The following DCDC2C variants were observed in gnomAD, a reference collection of about 807,000 sequenced individuals.
DCDC2C encodes doublecortin domain-containing protein 2C.
In DCDC2C, 44 loss-of-function variants were observed where a neutral mutation model predicts 45.0. The ratio of observed to expected loss-of-function variants is 0.98; its 90% CI spans 0.77 to 1.26. The LOEUF is 1.26. DCDC2C is among the 50% of genes most tolerant of loss of function. The pLI, the probability that DCDC2C is intolerant of heterozygous loss-of-function variation, is 0.00. For missense variants in DCDC2C, 447 were observed against 468.9 expected, an observed-to-expected ratio of 0.95 and a Z score of 0.43; for synonymous variants, 187 against 178.8, an observed-to-expected ratio of 1.05 and a Z score of -0.37.
intron 8 of DCDC2C, among the ~76,000 whole-genome samples, chr2:3,772,279 G>A (rs943293692): frequency 3.9e-5 from 6 of 152,190 alleles, no homozygotes; most frequent in African/African-American, 7.2e-5. Flanking sequence ...AGGACACTTC[G>A]ATTTTCCTGT....
At chr2:3,797,205 T>C (rs1336792515) in intron 10 of DCDC2C, among the ~76,000 whole-genome samples, 8 of 152,182 alleles carry the variant, frequency 5.3e-5, no homozygotes, top group African/African-American at 1.4e-4. Context: ...TCTGTAGGAT[T>C]GGTGGTGATA....
chr2:3,730,571 G>A (rs1225251993), intron 3 of DCDC2C, among the ~76,000 whole-genome samples: 3 of 152,066 alleles, frequency 2.0e-5, no homozygotes, highest in Non-Finnish European at 2.9e-5. Flanking sequence ...AGTGAGCAAA[G>A]GCAGCCCCCG....
chr2:3,830,223 T>C (rs10192660), intron 10 of DCDC2C, among the ~76,000 whole-genome samples: 14,092 of 152,310 alleles, frequency 0.093, 1,036 homozygotes, highest in East Asian at 0.44. Flanking sequence ...CTCTGCAGTT[T>C]CCCAAATATT....
In DCDC2C at chr2:3,815,925, C is replaced by T. The variant is rs146943097; in HGVS notation, c.1065+30825C>T. Among the ~76,000 whole-genome samples, 618 of 152,232 alleles carry T rather than the reference C, an allele frequency of 4.1e-3. 10 individuals carry two copies. The highest frequency in any genetic ancestry group is 0.014 in the African/African-American group (590 of 41,524). ...TGATGGCTTAGCTTGGGCTCAGAGA[C>T]CTGACATTCCTGTCTTCTTATATTT... is the stretch of plus-strand genomic sequence containing the variant. On this transcript the variant is annotated intron_variant, in intron 10 of 10. Transcript: ENST00000399143.
At chr2:3,796,193 A>G (rs201558311) in intron 10 of DCDC2C, among the ~76,000 whole-genome samples, 5 of 105,176 alleles carry the variant, frequency 4.8e-5, no homozygotes, top group African/African-American at 1.7e-4. Context: ...GTATAAGAAT[A>G]CTTGTGATTT....
At chr2:3,837,370 A>C (rs1198540995) in intron 10 of DCDC2C, among the ~76,000 whole-genome samples, 2 of 152,218 alleles carry the variant, frequency 1.3e-5, no homozygotes, top group Non-Finnish European at 1.5e-5. Flanking sequence ...TTCCTGTAGA[A>C]AGATGAGCAT....
chr2:3,827,777 T>C (rs2198532), intron 10 of DCDC2C, among the ~76,000 whole-genome samples: 120,416 of 151,950 alleles, frequency 0.79, 49,685 homozygotes, highest in Non-Finnish European at 0.91. Flanking sequence ...AATATAAAGA[T>C]GCTATTTTCA....
chr2:3,732,296 G>A (rs1299985593), intron 3 of DCDC2C, among the ~76,000 whole-genome samples: 1 of 152,024 alleles, frequency 6.6e-6, no homozygotes, highest in African/African-American at 2.4e-5. Flanking sequence ...GGCATCACCC[G>A]CTTTGTTCCA....
At chr2:3,799,422 C>T (rs1025217181) in intron 10 of DCDC2C, among the ~76,000 whole-genome samples, 7 of 152,192 alleles carry the variant, frequency 4.6e-5, no homozygotes, top group Admixed American at 2.6e-4. Context: ...GAACTGCGTT[C>T]CTTTGGAGGA....
chr2:3,842,673 T>C (rs1672244961), intron 10 of DCDC2C, among the ~76,000 whole-genome samples: 1 of 150,652 alleles, frequency 6.6e-6, no homozygotes, highest in South Asian at 2.1e-4. Context: ...CAAATCTCAG[T>C]GGCTTTACAC....
intron 6 of DCDC2C, among the ~76,000 whole-genome samples, chr2:3,758,989 C>T (rs1183403561): frequency 6.6e-6 from 1 of 152,200 alleles, no homozygotes; most frequent in African/African-American, 2.4e-5. Flanking sequence ...GAGGGGAGGG[C>T]TGTGTGGCCA....
chr2:3,815,252 C>A (rs768930965), intron 10 of DCDC2C, among the ~76,000 whole-genome samples: 3 of 152,250 alleles, frequency 2.0e-5, no homozygotes, highest in Non-Finnish European at 4.4e-5. Context: ...CACGCTCACT[C>A]ACTGCCTCCC....
At chr2:3,784,273 A>G (rs1670590643) in intron 9 of DCDC2C, among the ~76,000 whole-genome samples, 1 of 152,344 alleles carries the variant, frequency 6.6e-6, no homozygotes, top group African/African-American at 2.4e-5. Flanking sequence ...TATTAGGGTC[A>G]TGTATAAATC....
At chr2:3,709,604 A>G (rs1668156132) in intron 2 of DCDC2C, among the ~76,000 whole-genome samples, 1 of 152,226 alleles carries the variant, frequency 6.6e-6, no homozygotes, top group South Asian at 2.1e-4. Flanking sequence ...TTCCAACTAG[A>G]AAGCAATTCT....
At chr2:3,719,195 C>A (rs1668427976) in intron 2 of DCDC2C, among the ~76,000 whole-genome samples, 1 of 152,080 alleles carries the variant, frequency 6.6e-6, no homozygotes, top group Non-Finnish European at 1.5e-5. Flanking sequence ...ATGCTGTTCT[C>A]CTGCCTCAGC....
At chr2:3,773,284 T>C (rs893093542) in intron 8 of DCDC2C, among the ~76,000 whole-genome samples, 2 of 152,142 alleles carry the variant, frequency 1.3e-5, no homozygotes, top group Admixed American at 6.5e-5. Flanking sequence ...CCCTCCTTTC[T>C]TGAGTTTTTA....
At chr2:3,774,412 G>A (rs1277152277) in intron 8 of DCDC2C, among the ~76,000 whole-genome samples, 1 of 152,234 alleles carries the variant, frequency 6.6e-6, no homozygotes. Context: ...TGGCCCCCTC[G>A]AGCCTCGGGG....
At position 3,741,978 on chromosome 2, in the gene DCDC2C, A is replaced by T. The variant is rs1669227266; in HGVS notation, c.475A>T (p.Ser159Cys). 3 of 1,549,206 alleles carry T rather than the reference A, an allele frequency of 1.9e-6. No homozygotes were observed. The highest frequency in any genetic ancestry group is 2.6e-6 in the Non-Finnish European group (3 of 1,146,464). The part of the protein sequence containing the change: ...PPAKIIIPKF[S>C]LSDWDIVLAT... ...TGCAAAAATCATTATACCCAAATTT[A>T]GTCTGTCCGATTGGGACATCGTGCT... Residue 159 changes from serine to cysteine, a missense_variant, in exon 4 of 11, where the codon AGT becomes TGT. Physicochemically the swap from Ser to Cys is moderately radical, Grantham distance 112 (BLOSUM62 -1). Coordinates refer to ENST00000399143, the MANE Select transcript of DCDC2C (RefSeq NM_001287444.2).
In DCDC2C at chr2:3,703,938, C is replaced by A; in HGVS notation, c.187C>A (p.Leu63Ile). The A allele has an allele frequency of 7.5e-7, 1 of 1,329,076 alleles. No homozygotes were observed. The allele number at this position is 1,329,076 out of a possible 1,614,324, so 82.3% of individuals were successfully genotyped here. ...QVDVPFGVRR[L>I]FTPTRGHRVL... ...GGACGTCCCGTTCGGCGTGCGCCGC[C>A]TCTTCACGCCCACGCGTGGGCACCG... Residue 63 changes from leucine to isoleucine, a missense_variant, in exon 1 of 11, where the codon CTC becomes ATC. Coordinates refer to ENST00000399143, the MANE Select transcript of DCDC2C (RefSeq NM_001287444.2). The surrounding 1 kb of genome is among the most constrained non-coding windows in gnomAD (Gnocchi z 4.4).
Sources: gnomAD v4.1 joint callset for allele counts (sites outside exome capture counted in the v4.1 genomes callset) on GRCh38, gnomAD v4.1.1 for gene constraint, Gnocchi (gnomAD v3.1) non-coding constraint, MANE v1.5 for transcripts, NCBI Gene and HGNC (gene_info 2026-07-23, HGNC 2026-07-21) for gene names.